The following PCOLCE2 variants were observed in gnomAD, a reference collection of about 807,000 sequenced individuals.
PCOLCE2 encodes the protein procollagen C-proteinase enhancer 2.
PCOLCE2 carries 42 observed loss-of-function variants against 47.0 expected under a neutral mutation model. That is an observed-to-expected ratio of 0.89 (90% CI 0.70 to 1.16). The LOEUF is 1.16. Ranked by LOEUF, PCOLCE2 falls within the 50% of genes most tolerant of loss-of-function variation. The pLI, the probability that PCOLCE2 is intolerant of heterozygous loss-of-function variation, is 0.00. For synonymous variants in PCOLCE2, 169 were observed against 191.7 expected (o/e 0.88, Z 0.98); for missense variants, 500 against 526.1 (o/e 0.95, Z 0.49).
intron 5 of PCOLCE2, among the ~76,000 whole-genome samples, chr3:142,832,943 G>A (rs1004042656): frequency 1.3e-5 from 2 of 152,168 alleles, no homozygotes; most frequent in Non-Finnish European, 2.9e-5. Context: ...GTTAGTTGGT[G>A]AGCTGGCAGC....
At chr3:142,880,772 T>C (rs1221015394) in intron 2 of PCOLCE2, among the ~76,000 whole-genome samples, 3 of 152,234 alleles carry the variant, frequency 2.0e-5, no homozygotes, top group Non-Finnish European at 4.4e-5. Flanking sequence ...TAATTGTTTA[T>C]TAGGCATCTT....
intron 2 of PCOLCE2, among the ~76,000 whole-genome samples, chr3:142,863,616 GAGGGTGTGGGA>G (rs1488286569): frequency 6.6e-6 from 1 of 152,160 alleles, no homozygotes; most frequent in East Asian, 1.9e-4. Flanking sequence ...AAGAGAGGAA[GAGGGTGTGGGA>G]AGGGCTCAGA....
chr3:142,833,481 CT>C (rs762140679), intron 5 of PCOLCE2, among the ~76,000 whole-genome samples: 26,405 of 141,382 alleles, frequency 0.19, 2,491 homozygotes, highest in Non-Finnish European at 0.24. Context: ...CACGCTCAGC[CT>C]TTTTTTTTTT....
chr3:142,847,653 C>T (rs1937341976), intron 3 of PCOLCE2, among the ~76,000 whole-genome samples: 1 of 152,184 alleles, frequency 6.6e-6, no homozygotes, highest in African/African-American at 2.4e-5. Flanking sequence ...TCTCCTACCT[C>T]AGCCTCCCAA....
chr3:142,828,284 A>G (rs1391494149), intron 6 of PCOLCE2, among the ~76,000 whole-genome samples: 1 of 152,208 alleles, frequency 6.6e-6, no homozygotes. Flanking sequence ...GAAGGGTCTG[A>G]CACACCACGG....
intron 2 of PCOLCE2, among the ~76,000 whole-genome samples, chr3:142,853,094 C>T (rs531694699): frequency 1.4e-5 from 2 of 146,378 alleles, no homozygotes; most frequent in African/African-American, 5.1e-5. Context: ...TAGAGAGAGA[C>T]CCTGTTTAAA....
rs1449190312 is a variant in PCOLCE2, at chr3:142,888,908, C to T, written c.-12G>A. ...TTCGCGCCCCTCATGGCAGCGTAGACGCTCGGGGTTTGCACCCCACGGCGC... is the reference window on the plus strand; with the variant it reads ...TTCGCGCCCCTCATGGCAGCGTAGATGCTCGGGGTTTGCACCCCACGGCGC... On this transcript the variant is annotated 5_prime_UTR_variant, in exon 1 of 9. Transcript: ENST00000295992. The T allele has an allele frequency of 6.9e-7, 1 of 1,439,938 alleles. No homozygotes were observed. Among genetic ancestry groups the T allele is most frequent in the Admixed American group, 2.9e-5 (1 of 34,908 alleles). The allele number at this position is 1,439,938 out of a possible 1,614,324, so 89.2% of individuals were successfully genotyped here.
At chr3:142,843,290 G>A in intron 3 of PCOLCE2, 1 of 576,382 alleles carries the variant, frequency 1.7e-6, no homozygotes, top group South Asian at 1.5e-5. Flanking sequence ...TGGACTCAGG[G>A]CCTCTTTTCT....
chr3:142,833,007 C>T (rs1302164086), intron 5 of PCOLCE2, among the ~76,000 whole-genome samples: 1 of 152,208 alleles, frequency 6.6e-6, no homozygotes, highest in South Asian at 2.1e-4. Context: ...TAGCCGCCGC[C>T]AGGGCTGCCC....
intron 8 of PCOLCE2, 111 bp downstream of exon 8, chr3:142,820,767 T>C: frequency 2.3e-6 from 2 of 876,302 alleles, no homozygotes; most frequent in Non-Finnish European, 1.7e-6. Flanking sequence ...AAGGCCTTCC[T>C]GCTCTGCAAG....
At chr3:142,867,328 A>G (rs550798471) in intron 2 of PCOLCE2, among the ~76,000 whole-genome samples, 13 of 152,230 alleles carry the variant, frequency 8.5e-5, no homozygotes, top group Non-Finnish European at 1.2e-4. Flanking sequence ...CAAGACAGCC[A>G]TATCAGAAGA....
intron 6 of PCOLCE2, among the ~76,000 whole-genome samples, chr3:142,824,836 C>T (rs1937056270): frequency 6.6e-6 from 1 of 152,036 alleles, no homozygotes; most frequent in South Asian, 2.1e-4. Context: ...CCATGTTGGC[C>T]AGGCTGGTCT....
At chr3:142,826,512 T>C (rs1202892627) in intron 6 of PCOLCE2, among the ~76,000 whole-genome samples, 1 of 152,208 alleles carries the variant, frequency 6.6e-6, no homozygotes, top group African/African-American at 2.4e-5. Flanking sequence ...CTTCTCAGTT[T>C]ATTCCTTCTG....
At chr3:142,843,089 T>A in intron 3 of PCOLCE2, 41 bp from the exon 4 acceptor site, 1 of 1,600,178 alleles carries the variant, frequency 6.2e-7, no homozygotes, top group Non-Finnish European at 8.5e-7. Flanking sequence ...CAAGTTTATG[T>A]AGGTTACAGC....
Position 142,818,268 on chromosome 3 carries a change from C to T in PCOLCE2, c.*67G>A. 9 of 1,375,818 alleles carry T rather than the reference C, an allele frequency of 6.5e-6. No homozygotes were observed. In the Admixed American group the frequency reaches 1.2e-4, roughly 18 times the overall value. The allele number at this position is 1,375,818 out of a possible 1,614,324, so 85.2% of individuals were successfully genotyped here. A position where few individuals can be genotyped will look rare whatever the true frequency, so the allele number is the denominator to read the frequency against. The stretch of plus-strand genomic sequence containing the variant: ...TGTAATTTTATAAGTATTTTTTTTT[C>T]TACTGAGAGAACATAGATCTTTCAA... On this transcript the variant is annotated 3_prime_UTR_variant, in exon 9 of 9. Transcript: ENST00000295992.
chr3:142,838,939 T>A, intron 4 of PCOLCE2, 33 bp from the exon 5 acceptor site: 1 of 1,539,042 alleles, frequency 6.5e-7, no homozygotes, highest in Non-Finnish European at 9.0e-7. Flanking sequence ...GTGTCAAATA[T>A]TAATAGCATT....
chr3:142,864,098 C>A (rs1296752840), intron 2 of PCOLCE2: 1 of 152,152 alleles, frequency 6.6e-6, no homozygotes, highest in Non-Finnish European at 1.5e-5. Flanking sequence ...GTGAAACTGG[C>A]ACAGATGGCT....
chr3:142,851,532 G>A (rs762260088), intron 2 of PCOLCE2, among the ~76,000 whole-genome samples: 29 of 152,134 alleles, frequency 1.9e-4, no homozygotes, highest in Non-Finnish European at 4.4e-5. Context: ...AGGACGCTGT[G>A]GGGTGAGGAC....
At chr3:142,850,460 A>G (rs375827946) in intron 2 of PCOLCE2, among the ~76,000 whole-genome samples, 1 of 152,218 alleles carries the variant, frequency 6.6e-6, no homozygotes, top group Admixed American at 6.6e-5. Context: ...GAACACTCCA[A>G]TGTCATCAAG....
Sources: gnomAD v4.1 joint callset for allele counts (sites outside exome capture counted in the v4.1 genomes callset) on GRCh38, gnomAD v4.1.1 for gene constraint, MANE v1.5 for transcripts, NCBI Gene and HGNC (gene_info 2026-07-23, HGNC 2026-07-21) for gene names.